BCAS3: variants seen among roughly 807,000 people sequenced by gnomAD.
BCAS3 encodes BCAS3 microtubule associated cell migration factor, also known as BCAS4/BCAS3 fusion.
A neutral mutation model predicts 116.1 loss-of-function variants in BCAS3; 53 were observed. That is an observed-to-expected ratio of 0.46 (90% CI 0.37 to 0.57). The LOEUF is 0.57. Ranked by LOEUF, BCAS3 falls within the 20% of genes least tolerant of loss-of-function variation. BCAS3 has a pLI of 0.00. For missense variants in BCAS3, 917 were observed against 1,165.4 expected, an observed-to-expected ratio of 0.79 and a Z score of 3.10; for synonymous variants, 391 against 408.2, an observed-to-expected ratio of 0.96 and a Z score of 0.51.
At chr17:61,166,731 A>G (rs2078529155) in intron 22 of BCAS3, among the ~76,000 whole-genome samples, 1 of 151,944 alleles carries the variant, frequency 6.6e-6, no homozygotes, top group Non-Finnish European at 1.5e-5. Flanking sequence ...TTTTATTTTT[A>G]GAGACATCAT....
chr17:60,691,736 GCCA>G (rs2034854021), intron 4 of BCAS3, among the ~76,000 whole-genome samples: 1 of 147,156 alleles, frequency 6.8e-6, no homozygotes, highest in South Asian at 2.1e-4. Context: ...TTTTTTTAGA[GCCA>G]CCATCCACGA....
Position 61,032,351 on chromosome 17 carries a change from C to T in BCAS3, c.1638-2315C>T, listed in dbSNP as rs909090367. On this transcript the variant is annotated intron_variant, in intron 16 of 23. Transcript: ENST00000407086. The surrounding 1 kb of genome is among the most constrained non-coding windows in gnomAD (Gnocchi z 4.6). ...GGTGATTCTAGTAAAAGCACATAGT[C>T]GCACAATTGCAAACTGCTTTCAAAA... 1.3e-5 allele frequency among the ~76,000 whole-genome samples: 2 copies of T among 152,104 alleles called. No homozygotes were observed. The highest frequency in any genetic ancestry group is 2.4e-5 in the African/African-American group (1 of 41,418).
At chr17:61,119,426 G>A (rs1159059979) in intron 22 of BCAS3, among the ~76,000 whole-genome samples, 1 of 151,982 alleles carries the variant, frequency 6.6e-6, no homozygotes, top group Non-Finnish European at 1.5e-5. Context: ...GGTCCACGAA[G>A]AAAACATGAT....
rs2071011112 is a variant in BCAS3 at position 61,068,868 on chromosome 17, A to G, written c.2030-6052A>G. Among the ~76,000 whole-genome samples the G allele has an allele frequency of 6.6e-6, 1 of 152,148 alleles. No homozygotes were observed. The highest frequency in any genetic ancestry group is 2.4e-5 in the African/African-American group (1 of 41,446). On this transcript the variant is annotated intron_variant, in intron 19 of 23. Transcript: ENST00000407086. This position sits in a 1 kb window ranked among gnomAD's most constrained non-coding sequence, Gnocchi z 4.3. ...TATTTTCTTTTTATCAAGGTTGTAA[A>G]TTCTTTTTTCCATGTGAACAGGTAT...
chr17:60,719,419 CAA>C (rs1346065017), intron 5 of BCAS3, among the ~76,000 whole-genome samples: 2 of 152,244 alleles, frequency 1.3e-5, no homozygotes, highest in Middle Eastern at 3.4e-3. Context: ...TCTTTTATGA[CAA>C]ACAGTTTGAA....
intron 22 of BCAS3, among the ~76,000 whole-genome samples, chr17:61,295,068 C>T (rs1042893677): frequency 1.3e-5 from 2 of 152,216 alleles, no homozygotes; most frequent in African/African-American, 4.8e-5. Flanking sequence ...AGAATCGCAC[C>T]TTCTAAACAG....
intron 22 of BCAS3, among the ~76,000 whole-genome samples, chr17:61,298,631 A>G (rs1250000727): frequency 1.3e-5 from 2 of 151,944 alleles, no homozygotes; most frequent in Non-Finnish European, 2.9e-5. Context: ...TGCCTTTCCA[A>G]TCTACTTCCA....
chr17:61,119,984 A>G (rs1409126109), intron 22 of BCAS3, among the ~76,000 whole-genome samples: 1 of 152,114 alleles, frequency 6.6e-6, no homozygotes, highest in African/African-American at 2.4e-5. Context: ...CAGAGTGATT[A>G]AAAAATTATT....
At chr17:60,688,541 T>A (rs1300252091) in intron 3 of BCAS3, among the ~76,000 whole-genome samples, 1 of 152,008 alleles carries the variant, frequency 6.6e-6, no homozygotes, top group South Asian at 2.1e-4. Context: ...AGGCAGGGCA[T>A]GGTGGCTCAC....
In BCAS3 at chr17:61,065,310, A is replaced by G. The variant is rs1208060754; in HGVS notation, c.2030-9610A>G. Among the ~76,000 whole-genome samples, 4 of 152,196 alleles carry G rather than the reference A, an allele frequency of 2.6e-5. No homozygotes were observed. Among genetic ancestry groups the G allele is most frequent in the Admixed American group, 1.3e-4 (2 of 15,276 alleles). On this transcript the variant is annotated intron_variant, in intron 19 of 23. Coordinates refer to ENST00000407086, the MANE Select transcript of BCAS3 (RefSeq NM_017679.5). The surrounding 1 kb of genome is among the most constrained non-coding windows in gnomAD (Gnocchi z 4.8). ...TTTAAAATGGCAAATTTTAGTTTCT[A>G]TACTAAGAAACTACATTCCCAAGCA...
At chr17:60,810,303 C>A in intron 7 of BCAS3, 1 of 448,844 alleles carries the variant, frequency 2.2e-6, no homozygotes, top group Non-Finnish European at 4.3e-6. Flanking sequence ...GTTCCCGGAT[C>A]TCCGTGTCCC....
At chr17:60,707,715 ATTGCATT>A in intron 4 of BCAS3, among the ~76,000 whole-genome samples, 1 of 152,188 alleles carries the variant, frequency 6.6e-6, no homozygotes, top group South Asian at 2.1e-4. Context: ...TAAAATAACT[ATTGCATT>A]TTAGCAAATG....
At chr17:61,216,309 G>T (rs2081781930) in intron 22 of BCAS3, among the ~76,000 whole-genome samples, 1 of 152,244 alleles carries the variant, frequency 6.6e-6, no homozygotes, top group South Asian at 2.1e-4. Flanking sequence ...GATGCCCCTA[G>T]TGGGATTATA....
rs748259853 is a variant in BCAS3, at chr17:60,910,687, C to T, written c.978C>T (p.Thr326=). 1.2e-5 allele frequency: 19 copies of T among 1,606,114 alleles called. No homozygotes were observed. Among genetic ancestry groups the T allele is most frequent in the South Asian group, 7.8e-5 (7 of 90,018 alleles). The part of the protein sequence containing the change: ...PGIITVIDTE[T]VGEGQVLVSE... ...TCATCACAGTTATTGACACCGAAAC[C>T]GTTGGAGAGGGCCAGGTAAGAAGAA... is the stretch of plus-strand genomic sequence containing the variant. Residue 326 remains threonine, a synonymous_variant, in exon 12 of 24, where the codon ACC becomes ACT. Coordinates refer to ENST00000407086, the MANE Select transcript of BCAS3 (RefSeq NM_017679.5).
chr17:61,193,904 G>A (rs758024902), intron 22 of BCAS3, among the ~76,000 whole-genome samples: 1 of 151,894 alleles, frequency 6.6e-6, no homozygotes, highest in Non-Finnish European at 1.5e-5. Flanking sequence ...ATTGCTTGAG[G>A]TCAGGAGTTG....
intron 14 of BCAS3, among the ~76,000 whole-genome samples, chr17:60,971,761 A>G (rs889192381): frequency 6.6e-6 from 1 of 152,130 alleles, no homozygotes; most frequent in African/African-American, 2.4e-5. Context: ...GGAATATACC[A>G]TTTCCATTTG....
At chr17:60,922,698 C>G (rs1424900487) in intron 12 of BCAS3, among the ~76,000 whole-genome samples, 1 of 152,162 alleles carries the variant, frequency 6.6e-6, no homozygotes, top group African/African-American at 2.4e-5. Context: ...AGAACAGATG[C>G]TTGGCCATGA....
In BCAS3 at chr17:61,354,422, A is replaced by C. The variant is rs1031414575; in HGVS notation, c.2426-13905A>C. ...AGGCCTTCACACTCACGCTCAGCCC[A>C]TCACCCCTCTGTGCAAGGTGCAAGG... is the stretch of plus-strand genomic sequence containing the variant. On this transcript the variant is annotated intron_variant, in intron 22 of 23. Coordinates refer to ENST00000407086, the MANE Select transcript of BCAS3 (RefSeq NM_017679.5). The surrounding 1 kb of genome is among the most constrained non-coding windows in gnomAD (Gnocchi z 4.5). The C allele has an allele frequency of 3.3e-5, 5 of 152,212 alleles. No individual in the cohort carries two copies. Among genetic ancestry groups the C allele is most frequent in the Non-Finnish European group, 7.3e-5 (5 of 68,054 alleles). The allele number at this position is 152,212 out of a possible 1,614,324, so 9.4% of individuals were successfully genotyped here. A position where few individuals can be genotyped will look rare whatever the true frequency, so the allele number is the denominator to read the frequency against.
At chr17:60,920,913 AACAAC>A (rs2059048077) in intron 12 of BCAS3, among the ~76,000 whole-genome samples, 1 of 125,764 alleles carries the variant, frequency 8.0e-6, no homozygotes, top group Non-Finnish European at 1.7e-5. Context: ...CAACAACAAC[AACAAC>A]AACAGATACT....
Sources: gnomAD v4.1 joint callset for allele counts (sites outside exome capture counted in the v4.1 genomes callset) on GRCh38, gnomAD v4.1.1 for gene constraint, Gnocchi (gnomAD v3.1) non-coding constraint, MANE v1.5 for transcripts, NCBI Gene and HGNC (gene_info 2026-07-23, HGNC 2026-07-21) for gene names.